Variants in UBASH3B observed in about 807,000 individuals in gnomAD.
The protein encoded by UBASH3B is ubiquitin associated and SH3 domain containing B.
In UBASH3B, 37 loss-of-function variants were observed where a neutral mutation model predicts 83.4. The observed-to-expected ratio is 0.44, with a 90% CI of 0.34 to 0.58. The LOEUF (loss-of-function observed/expected upper bound fraction) is 0.58. Ranked by LOEUF, UBASH3B falls within the 20% of genes least tolerant of loss-of-function variation. The pLI is 0.01. For missense variants in UBASH3B, 657 were observed against 827.2 expected (o/e 0.79, Z 2.52); for synonymous variants, 304 against 318.3 (o/e 0.96, Z 0.48).
At chr11:122,726,537 A>G (rs972106881) in intron 1 of UBASH3B, among the ~76,000 whole-genome samples, 1 of 151,556 alleles carries the variant, frequency 6.6e-6, no homozygotes, top group South Asian at 2.1e-4. Flanking sequence ...TTTAGTAGAG[A>G]CGGGGTTTCA....
intron 1 of UBASH3B, among the ~76,000 whole-genome samples, chr11:122,688,112 G>A (rs1863831258): frequency 6.6e-6 from 1 of 152,066 alleles, no homozygotes; most frequent in South Asian, 2.1e-4. Context: ...AGGAACAAAG[G>A]GAGAAGCTGA....
At chr11:122,779,760 A>T (rs1860817938) in intron 4 of UBASH3B, 65 bp downstream of exon 4, 1 of 1,587,738 alleles carries the variant, frequency 6.3e-7, no homozygotes, top group Non-Finnish European at 8.6e-7. Flanking sequence ...AGGAAAAAGG[A>T]TAGGAAATAG....
At position 122,758,570 on chromosome 11, in the gene UBASH3B, A is replaced by G. The variant is rs935607141; in HGVS notation, c.162-17649A>G. Among the ~76,000 whole-genome samples the G allele has an allele frequency of 3.9e-5, 6 of 152,222 alleles. No individual in the cohort carries two copies. The highest frequency in any genetic ancestry group is 7.2e-5 in the African/African-American group (3 of 41,454). On this transcript the variant is annotated intron_variant, in intron 1 of 13. Coordinates refer to ENST00000284273, the MANE Select transcript of UBASH3B (RefSeq NM_032873.5). The surrounding 1 kb of genome is among the most constrained non-coding windows in gnomAD (Gnocchi z 4.2). ...AGAACACCGACCCTGTGCCAAACTC[A>G]GAGCTAAGCATGTCACATAACCCTA... is the stretch of plus-strand genomic sequence containing the variant.
At position 122,813,762 on chromosome 11, in the gene UBASH3B, C is replaced by A. The variant is rs1415315686; in HGVS notation, c.*3876C>A. Reference sequence around the variant, plus strand: ...ATATTTTGTTAGGTGATAGCAGAAGCTTTTCATTTTTAAACATAGAATTAA... The same window carrying A: ...ATATTTTGTTAGGTGATAGCAGAAGATTTTCATTTTTAAACATAGAATTAA... On this transcript the variant is annotated 3_prime_UTR_variant, in exon 14 of 14. Coordinates refer to ENST00000284273, the MANE Select transcript of UBASH3B (RefSeq NM_032873.5). 1.3e-5 allele frequency: 2 copies of A among 152,166 alleles called. No homozygotes were observed. Among genetic ancestry groups the A allele is most frequent in the African/African-American group, 4.8e-5 (2 of 41,448 alleles). 9.4% of individuals were successfully genotyped at this position (152,166 alleles called of 1,614,324 possible).
intron 11 of UBASH3B, among the ~76,000 whole-genome samples, chr11:122,803,598 A>C (rs1435733142): frequency 6.6e-6 from 1 of 152,130 alleles, no homozygotes; most frequent in Non-Finnish European, 1.5e-5. Flanking sequence ...GGAGCAAGGC[A>C]GAAAAAACAA....
intron 6 of UBASH3B, 87 bp downstream of exon 6, chr11:122,789,395 A>C: frequency 7.0e-7 from 1 of 1,428,782 alleles, no homozygotes. Flanking sequence ...CAGTAAATGG[A>C]GTCCATGGGA....
chr11:122,704,462 G>A (rs115984380), intron 1 of UBASH3B, among the ~76,000 whole-genome samples: 2 of 152,214 alleles, frequency 1.3e-5, no homozygotes, highest in South Asian at 2.1e-4. Context: ...GGTTGGTGGC[G>A]TGTTAGAGAG....
At chr11:122,800,383 C>CAAAAAAAA (rs540359065) in intron 10 of UBASH3B, among the ~76,000 whole-genome samples, 30 of 76,662 alleles carry the variant, frequency 3.9e-4, no homozygotes, top group South Asian at 4.5e-4. Context: ...ACTAAAAATA[C>CAAAAAAAA]AAAAAAAAAA....
intron 1 of UBASH3B, among the ~76,000 whole-genome samples, chr11:122,754,152 G>A (rs1861247732): frequency 1.3e-5 from 2 of 152,200 alleles, no homozygotes; most frequent in Non-Finnish European, 2.9e-5. Flanking sequence ...CAATAGTGAG[G>A]AGAACTCCAA....
At chr11:122,676,832 C>T (rs968299231) in intron 1 of UBASH3B, among the ~76,000 whole-genome samples, 4 of 152,230 alleles carry the variant, frequency 2.6e-5, no homozygotes, top group African/African-American at 9.6e-5. Flanking sequence ...GCCCTTCCTG[C>T]TCACCTTTGC....
rs1342076551 is a variant in UBASH3B at position 122,734,318 on chromosome 11, A to T, written c.162-41901A>T. On this transcript the variant is annotated intron_variant, in intron 1 of 13. Coordinates refer to ENST00000284273, the MANE Select transcript of UBASH3B (RefSeq NM_032873.5). Reference sequence around the variant, plus strand: ...AGCTACAGTGAAGAGGAAGACATTGAAAAGAGCTTGACATGGCTGAGCCTG... The same window carrying T: ...AGCTACAGTGAAGAGGAAGACATTGTAAAGAGCTTGACATGGCTGAGCCTG... Among the ~76,000 whole-genome samples the T allele has an allele frequency of 2.0e-5, 3 of 152,244 alleles. No individual in the cohort carries two copies. The East Asian group carries it at 5.8e-4, about 29-fold the overall frequency.
chr11:122,707,696 T>A (rs971496323), intron 1 of UBASH3B, among the ~76,000 whole-genome samples: 27 of 152,068 alleles, frequency 1.8e-4, no homozygotes, highest in Admixed American at 7.2e-4. Context: ...TAATTTTTAT[T>A]TTTATTTATT....
intron 1 of UBASH3B, among the ~76,000 whole-genome samples, chr11:122,768,860 C>T (rs549086046): frequency 6.2e-4 from 94 of 152,276 alleles, no homozygotes; most frequent in Non-Finnish European, 9.8e-4. Flanking sequence ...TCAAGATTGA[C>T]AACTACTCAG....
At chr11:122,769,008 A>C (rs998097090) in intron 1 of UBASH3B, among the ~76,000 whole-genome samples, 2 of 152,214 alleles carry the variant, frequency 1.3e-5, no homozygotes, top group Non-Finnish European at 2.9e-5. Flanking sequence ...CAGCTTCATA[A>C]GTTTGTCATG....
At chr11:122,677,335 G>A (rs1259244547) in intron 1 of UBASH3B, among the ~76,000 whole-genome samples, 6 of 152,186 alleles carry the variant, frequency 3.9e-5, no homozygotes, top group Non-Finnish European at 8.8e-5. Flanking sequence ...AGGGAGTACT[G>A]TACGTTCTTT....
chr11:122,691,160 A>G (rs1863890919), intron 1 of UBASH3B, among the ~76,000 whole-genome samples: 1 of 152,194 alleles, frequency 6.6e-6, no homozygotes, highest in Non-Finnish European at 1.5e-5. Context: ...TGAGAGGTTC[A>G]TCACTGGAAA....
intron 1 of UBASH3B, among the ~76,000 whole-genome samples, chr11:122,728,241 C>G (rs1350335404): frequency 1.3e-5 from 2 of 152,118 alleles, no homozygotes; most frequent in African/African-American, 4.8e-5. Context: ...GAATATTTAG[C>G]CGTCCACGTC....
At chr11:122,763,101 G>A (rs1860473536) in intron 1 of UBASH3B, among the ~76,000 whole-genome samples, 1 of 152,164 alleles carries the variant, frequency 6.6e-6, no homozygotes, top group Non-Finnish European at 1.5e-5. Context: ...TGAGAGTTTT[G>A]TTCCCAAGAA....
At chr11:122,663,849 A>G (rs59086567) in intron 1 of UBASH3B, among the ~76,000 whole-genome samples, 2,675 of 152,256 alleles carry the variant, frequency 0.018, 90 homozygotes, top group African/African-American at 0.061. Context: ...GCTAAGCCTC[A>G]ATTTTCCTGT....
Sources: allele counts gnomAD v4.1 joint callset (sites outside exome capture counted in the v4.1 genomes callset), GRCh38; gene constraint gnomAD v4.1.1; non-coding constraint Gnocchi (gnomAD v3.1); transcripts MANE v1.5; gene names NCBI Gene and HGNC (gene_info 2026-07-23, HGNC 2026-07-21).